The following ANKRD6 variants were observed in gnomAD, a reference collection of about 807,000 sequenced individuals.
ANKRD6 encodes the protein ankyrin repeat domain-containing protein 6.
In ANKRD6, 56 loss-of-function variants were observed where a neutral mutation model predicts 82.3. The ratio of observed to expected loss-of-function variants is 0.68; its 90% CI spans 0.55 to 0.85. The LOEUF is 0.85. ANKRD6 is among the 40% of genes least tolerant of loss of function. ANKRD6 has a pLI of 0.00. For synonymous variants in ANKRD6, 347 were observed against 352.1 expected, an observed-to-expected ratio of 0.99 and a Z score of 0.16; for missense variants, 852 against 907.6, an observed-to-expected ratio of 0.94 and a Z score of 0.79.
chr6:89,461,908 A>G (rs1774194407), intron 1 of ANKRD6, among the ~76,000 whole-genome samples: 1 of 152,140 alleles, frequency 6.6e-6, no homozygotes, highest in East Asian at 1.9e-4. Flanking sequence ...GTACTCCACA[A>G]GCTCATTAGA....
chr6:89,579,538 A>G (rs1397270368), intron 2 of ANKRD6, among the ~76,000 whole-genome samples: 2 of 152,150 alleles, frequency 1.3e-5, no homozygotes, highest in African/African-American at 4.8e-5. Flanking sequence ...TGGGAGGTCA[A>G]GGCTGGTGGA....
At chr6:89,450,386 A>G (rs980059134) in intron 1 of ANKRD6, among the ~76,000 whole-genome samples, 6 of 152,132 alleles carry the variant, frequency 3.9e-5, no homozygotes, top group Non-Finnish European at 1.5e-5. Context: ...CAGCCACCCC[A>G]ACATTCAACA....
At chr6:89,622,266 G>A (rs976715870) in intron 10 of ANKRD6, among the ~76,000 whole-genome samples, 7 of 152,226 alleles carry the variant, frequency 4.6e-5, no homozygotes, top group Non-Finnish European at 2.9e-5. Flanking sequence ...TACACGTGGG[G>A]GGCACACTTA....
At position 89,550,676 on chromosome 6, in the gene ANKRD6, C is replaced by T. The variant is rs189505176; in HGVS notation, c.-143-16158C>T. On this transcript the variant is annotated intron_variant, in intron 1 of 15. Coordinates refer to ENST00000339746, the MANE Select transcript of ANKRD6 (RefSeq NM_001242809.2). ...TAGAATTTTTTAAAGAATGAGTAGG[C>T]CAGGTGCGGTGTCTCACACCTGTAA... Among the ~76,000 whole-genome samples, 511 of 152,168 alleles carry T rather than the reference C, an allele frequency of 3.4e-3. 8 individuals are homozygous for T. Among genetic ancestry groups the T allele is most frequent in the African/African-American group, 0.012 (484 of 41,512 alleles).
At chr6:89,440,561 G>A (rs7747904) in intron 1 of ANKRD6, among the ~76,000 whole-genome samples, 8,526 of 152,222 alleles carry the variant, frequency 0.056, 282 homozygotes, top group South Asian at 0.14. Flanking sequence ...GTTGCCTTCG[G>A]CTCAAAATAA....
intron 1 of ANKRD6, among the ~76,000 whole-genome samples, chr6:89,565,759 G>T (rs1415728138): frequency 1.3e-5 from 2 of 152,194 alleles, no homozygotes; most frequent in Non-Finnish European, 2.9e-5. Flanking sequence ...GTGTGGTAGG[G>T]TTTGGGTTGA....
intron 1 of ANKRD6, among the ~76,000 whole-genome samples, chr6:89,457,953 C>T (rs550545105): frequency 1.3e-5 from 2 of 152,138 alleles, no homozygotes. Flanking sequence ...GGAGCCTTCA[C>T]GAATGGGATT....
chr6:89,463,663 C>T (rs1774480467), intron 1 of ANKRD6, among the ~76,000 whole-genome samples: 1 of 152,108 alleles, frequency 6.6e-6, no homozygotes, highest in Non-Finnish European at 1.5e-5. Context: ...ATTCTCCTGC[C>T]TCAGCCTCCC....
At chr6:89,554,735 G>A (rs1337430602) in intron 1 of ANKRD6, among the ~76,000 whole-genome samples, 1 of 152,130 alleles carries the variant, frequency 6.6e-6, no homozygotes, top group African/African-American at 2.4e-5. Flanking sequence ...CCCCTGTGCT[G>A]GAGAAGCTCA....
At chr6:89,441,614 T>C (rs1771389655) in intron 1 of ANKRD6, among the ~76,000 whole-genome samples, 1 of 148,632 alleles carries the variant, frequency 6.7e-6, no homozygotes, top group Non-Finnish European at 1.5e-5. Flanking sequence ...GGTTTTCTTT[T>C]CTTTCCTTTT....
chr6:89,585,403 A>G lies in ANKRD6; in HGVS notation c.121-10513A>G, dbSNP rs187506646. ...TTTAATCCCCAAAGAAGTCCTAGAC[A>G]TGGATGGTGGTGGTGCTTGTGCAAC... is the stretch of plus-strand genomic sequence containing the variant. On this transcript the variant is annotated intron_variant, in intron 2 of 15. Transcript: ENST00000339746. 3.8e-3 allele frequency among the ~76,000 whole-genome samples: 575 copies of G among 152,332 alleles called. 9 individuals carry two copies. The highest frequency in any genetic ancestry group is 0.013 in the African/African-American group (545 of 41,572).
chr6:89,589,202 G>A (rs1221558725), intron 2 of ANKRD6, among the ~76,000 whole-genome samples: 1 of 152,086 alleles, frequency 6.6e-6, no homozygotes, highest in Non-Finnish European at 1.5e-5. Context: ...GCGAGGAGCT[G>A]GGACCCAACC....
At chr6:89,488,428 G>T (rs1027109068) in intron 1 of ANKRD6, among the ~76,000 whole-genome samples, 1 of 152,062 alleles carries the variant, frequency 6.6e-6, no homozygotes, top group Admixed American at 6.6e-5. Flanking sequence ...CCAGACTGAG[G>T]GACAGAGTGA....
At chr6:89,584,583 ATAGG>A (rs1392803591) in intron 2 of ANKRD6, among the ~76,000 whole-genome samples, 1 of 152,182 alleles carries the variant, frequency 6.6e-6, no homozygotes, top group Non-Finnish European at 1.5e-5. Flanking sequence ...ATGTGGGTGA[ATAGG>A]TAGCAGCTCT....
intron 1 of ANKRD6, among the ~76,000 whole-genome samples, chr6:89,473,325 C>T (rs1054715308): frequency 6.6e-6 from 1 of 151,512 alleles, no homozygotes; most frequent in African/African-American, 2.4e-5. Context: ...GCAGGAGAAT[C>T]GCTTTAACCT....
At chr6:89,602,297 T>C (rs1279343644) in intron 3 of ANKRD6, 1 of 152,014 alleles carries the variant, frequency 6.6e-6, no homozygotes, top group Non-Finnish European at 1.5e-5. Flanking sequence ...CCTCTGGGAG[T>C]GTTTCATCCT....
At chr6:89,619,001 CA>C (rs560043885) in intron 9 of ANKRD6, among the ~76,000 whole-genome samples, 223 of 152,298 alleles carry the variant, frequency 1.5e-3, no homozygotes, top group Non-Finnish European at 2.8e-3. Context: ...AACCCTGCTG[CA>C]AAATAACCCG....
chr6:89,457,982 C>G (rs768214413), intron 1 of ANKRD6, among the ~76,000 whole-genome samples: 2 of 152,106 alleles, frequency 1.3e-5, no homozygotes, highest in Non-Finnish European at 2.9e-5. Flanking sequence ...ATAAAAGAGA[C>G]CTCAGAGAGC....
chr6:89,611,826 C>T (rs1179902), intron 5 of ANKRD6, among the ~76,000 whole-genome samples: 20,210 of 152,262 alleles, frequency 0.13, 1,410 homozygotes, highest in South Asian at 0.17. Flanking sequence ...CCACCATTGG[C>T]AGGGATTGTA....
Sources: allele counts gnomAD v4.1 joint callset (sites outside exome capture counted in the v4.1 genomes callset), GRCh38; gene constraint gnomAD v4.1.1; transcripts MANE v1.5; gene names NCBI Gene and HGNC (gene_info 2026-07-23, HGNC 2026-07-21).